The following OSBPL3 variants were observed in gnomAD, a reference collection of about 807,000 sequenced individuals.
The protein encoded by OSBPL3 is oxysterol-binding protein-related protein 3.
Under a neutral mutation model 120.1 loss-of-function variants are expected in OSBPL3, and 65 were observed. The observed-to-expected ratio is 0.54, with a 90% CI of 0.44 to 0.67. The LOEUF (loss-of-function observed/expected upper bound fraction) is 0.67, where lower values mean the gene tolerates loss of function less well. Ranked by LOEUF, OSBPL3 falls within the 30% of genes least tolerant of loss-of-function variation. The pLI, the probability that OSBPL3 is intolerant of heterozygous loss-of-function variation, is 0.00. For synonymous variants in OSBPL3, 416 were observed against 402.6 expected (o/e 1.03, Z -0.40); for missense variants, 1,004 against 1,082.1 (o/e 0.93, Z 1.01).
In OSBPL3 at chr7:24,849,428, G is replaced by A; in HGVS notation, c.1159-252C>T. ...TTTCTCATTCCAGACATGGAGGGAG[G>A]GTTGGTAAGTGCAACAGAGAGGGAA... On this transcript the variant is annotated intron_variant, in intron 11 of 22. Transcript: ENST00000313367. The surrounding 1 kb of genome is among the most constrained non-coding windows in gnomAD (Gnocchi z 5.4). 3.6e-6 allele frequency: 1 copy of A among 279,494 alleles called. No individual in the cohort carries two copies. Among genetic ancestry groups the A allele is most frequent in the African/African-American group, 2.2e-5 (1 of 45,498 alleles). 17.3% of individuals were successfully genotyped at this position (279,494 alleles called of 1,614,324 possible).
At position 24,952,562 on chromosome 7, in the gene OSBPL3, A is replaced by G. The variant is rs1281359904; in HGVS notation, c.-150+27324T>C. Among the ~76,000 whole-genome samples the G allele has an allele frequency of 6.6e-6, 1 of 152,262 alleles. No individual in the cohort carries two copies. Among genetic ancestry groups the G allele is most frequent in the Admixed American group, 6.5e-5 (1 of 15,286 alleles). On this transcript the variant is annotated intron_variant, in intron 1 of 22. Coordinates refer to ENST00000313367, the MANE Select transcript of OSBPL3 (RefSeq NM_015550.4). This position sits in a 1 kb window ranked among gnomAD's most constrained non-coding sequence, Gnocchi z 4.4. ...GCTCTATAAATATGGAAAGATGCTC[A>G]TATGAGCCACCTTTGGAGACTAGGT... is the stretch of plus-strand genomic sequence containing the variant.
rs1812813442 is a variant in OSBPL3 at position 24,939,348 on chromosome 7, G to A, written c.-150+40538C>T. Among the ~76,000 whole-genome samples the A allele has an allele frequency of 6.6e-6, 1 of 152,150 alleles. No homozygotes were observed. Among genetic ancestry groups the A allele is most frequent in the East Asian group, 1.9e-4 (1 of 5,186 alleles). ...TTGTTCAGCTATTAGGAAGCTATGT[G>A]CTTGAGGAGAGCTTGGGCTCCTCCC... On this transcript the variant is annotated intron_variant, in intron 1 of 22. Coordinates refer to ENST00000313367, the MANE Select transcript of OSBPL3 (RefSeq NM_015550.4). This position sits in a 1 kb window ranked among gnomAD's most constrained non-coding sequence, Gnocchi z 4.2.
chr7:24,891,919 A>T lies in OSBPL3; in HGVS notation c.96+458T>A, dbSNP rs1805409392. Reference sequence around the variant, plus strand: ...CTGCCATAAAAGGTTTGATGAAGGGAAGAAAGTTGGGGTGGATATTATAAT... The same window carrying T: ...CTGCCATAAAAGGTTTGATGAAGGGTAGAAAGTTGGGGTGGATATTATAAT... On this transcript the variant is annotated intron_variant, in intron 2 of 22. Transcript: ENST00000313367. The surrounding 1 kb of genome is among the most constrained non-coding windows in gnomAD (Gnocchi z 4.1). Among the ~76,000 whole-genome samples the T allele has an allele frequency of 6.6e-6, 1 of 152,178 alleles. No individual in the cohort carries two copies. The highest frequency in any genetic ancestry group is 2.1e-4 in the South Asian group (1 of 4,834).
rs544561514 is a variant in OSBPL3, at chr7:24,815,660, C to T, written c.2028-457G>A. ...TATTACTTATGGAATTCAATAATTA[C>T]GAGGAAAATGGTATTAATAATAAGA... is the stretch of plus-strand genomic sequence containing the variant. On this transcript the variant is annotated intron_variant, in intron 18 of 22. Coordinates refer to ENST00000313367, the MANE Select transcript of OSBPL3 (RefSeq NM_015550.4). This position sits in a 1 kb window ranked among gnomAD's most constrained non-coding sequence, Gnocchi z 5.1. Among the ~76,000 whole-genome samples, 1 of 152,140 alleles carries T rather than the reference C, an allele frequency of 6.6e-6. No homozygotes were observed. The highest frequency in any genetic ancestry group is 1.5e-5 in the Non-Finnish European group (1 of 68,028).
Position 24,873,302 on chromosome 7 carries a change from C to G in OSBPL3, c.97-1233G>C, listed in dbSNP as rs893182277. Among the ~76,000 whole-genome samples, 1 of 152,198 alleles carries G rather than the reference C, an allele frequency of 6.6e-6. No homozygotes were observed. The highest frequency in any genetic ancestry group is 1.5e-5 in the Non-Finnish European group (1 of 68,048). ...TCTAACAGGGAGGGCACAGAAACCA[C>G]ACAGGGTCCTGAGTGGCTCTGGCTC... On this transcript the variant is annotated intron_variant, in intron 2 of 22. Coordinates refer to ENST00000313367, the MANE Select transcript of OSBPL3 (RefSeq NM_015550.4). This position sits in a 1 kb window ranked among gnomAD's most constrained non-coding sequence, Gnocchi z 4.1.
chr7:24,949,460 A>G (rs1814126504), intron 1 of OSBPL3, among the ~76,000 whole-genome samples: 2 of 152,158 alleles, frequency 1.3e-5, no homozygotes, highest in South Asian at 4.1e-4. Flanking sequence ...ACAGTCTTTG[A>G]TTCAATGAAA....
In OSBPL3 at chr7:24,811,414, C is replaced by G. The variant is rs536662724; in HGVS notation, c.2173-1463G>C. Among the ~76,000 whole-genome samples, 3 of 152,224 alleles carry G rather than the reference C, an allele frequency of 2.0e-5. No individual in the cohort carries two copies. The South Asian group carries it at 6.2e-4, about 31-fold the overall frequency. ...CTCTCTATTCATTTTTTATATTAAC[C>G]TCTTATCGGATGTATAGTTTACAAA... On this transcript the variant is annotated intron_variant, in intron 19 of 22. Transcript: ENST00000313367.
chr7:24,896,883 C>T lies in OSBPL3; in HGVS notation c.-149-4262G>A, dbSNP rs1337473003. On this transcript the variant is annotated intron_variant, in intron 1 of 22. Coordinates refer to ENST00000313367, the MANE Select transcript of OSBPL3 (RefSeq NM_015550.4). This position sits in a 1 kb window ranked among gnomAD's most constrained non-coding sequence, Gnocchi z 4.4. The stretch of plus-strand genomic sequence containing the variant: ...GGTCAGGAGTTCAAGACCAGCCTGG[C>T]CAACATGGTAAAACCCCATCTCTAC... 6.6e-6 allele frequency among the ~76,000 whole-genome samples: 1 copy of T among 152,058 alleles called. No individual in the cohort carries two copies. Among genetic ancestry groups the T allele is most frequent in the African/African-American group, 2.4e-5 (1 of 41,388 alleles).
chr7:24,973,810 T>C (rs898843990), intron 1 of OSBPL3, among the ~76,000 whole-genome samples: 2 of 152,174 alleles, frequency 1.3e-5, no homozygotes, highest in Non-Finnish European at 2.9e-5. Context: ...ATAAAAAATA[T>C]TATACTCCAG....
At position 24,916,324 on chromosome 7, in the gene OSBPL3, T is replaced by C. The variant is rs1809544291; in HGVS notation, c.-149-23703A>G. Among the ~76,000 whole-genome samples, 1 of 152,208 alleles carries C rather than the reference T, an allele frequency of 6.6e-6. No individual in the cohort carries two copies. Among genetic ancestry groups the C allele is most frequent in the South Asian group, 2.1e-4 (1 of 4,832 alleles). On this transcript the variant is annotated intron_variant, in intron 1 of 22. Transcript: ENST00000313367. This position sits in a 1 kb window ranked among gnomAD's most constrained non-coding sequence, Gnocchi z 4.9. ...CATCATTTATCTACCCATCCTTCTG[T>C]TCCTCTCTCACAGTATGTACAGAGG...
chr7:24,869,727 C>T (rs959388827), intron 5 of OSBPL3, among the ~76,000 whole-genome samples: 1 of 152,172 alleles, frequency 6.6e-6, no homozygotes, highest in Non-Finnish European at 1.5e-5. Context: ...TACAGTTAGG[C>T]TAGGAAATAG....
At chr7:24,840,268 T>C (rs1304879160) in intron 14 of OSBPL3, among the ~76,000 whole-genome samples, 1 of 152,070 alleles carries the variant, frequency 6.6e-6, no homozygotes, top group East Asian at 1.9e-4. Flanking sequence ...ACCGCATCAG[T>C]CCACTCGTAT....
chr7:24,848,013 C>T (rs1303794100), intron 12 of OSBPL3, among the ~76,000 whole-genome samples: 5 of 152,232 alleles, frequency 3.3e-5, no homozygotes, highest in African/African-American at 1.2e-4. Context: ...GACCCACAAG[C>T]TTCTGCCAGA....
At chr7:24,973,476 A>C (rs1401775623) in intron 1 of OSBPL3, among the ~76,000 whole-genome samples, 1 of 152,216 alleles carries the variant, frequency 6.6e-6, no homozygotes, top group Non-Finnish European at 1.5e-5. Context: ...TTATAAACCA[A>C]GTCCAGAGAA....
rs1218034658 is a variant in OSBPL3, at chr7:24,932,691, G to A, written c.-149-40070C>T. Among the ~76,000 whole-genome samples the A allele has an allele frequency of 1.3e-5, 2 of 152,150 alleles. No individual in the cohort carries two copies. Among genetic ancestry groups the A allele is most frequent in the East Asian group, 1.9e-4 (1 of 5,200 alleles). On this transcript the variant is annotated intron_variant, in intron 1 of 22. Transcript: ENST00000313367. The surrounding 1 kb of genome is among the most constrained non-coding windows in gnomAD (Gnocchi z 5.6). Reference sequence around the variant, plus strand: ...CCAAATCCAATAGTACTTCGATCTTGCATTTTCCAGCCTCCAGAACTACGA... The same window carrying A: ...CCAAATCCAATAGTACTTCGATCTTACATTTTCCAGCCTCCAGAACTACGA...
rs2128376960 is a variant in OSBPL3 at position 24,900,912 on chromosome 7, TGGGGA to T, written c.-149-8296_-149-8292del. 1.3e-5 allele frequency among the ~76,000 whole-genome samples: 2 copies of T among 151,682 alleles called. No homozygotes were observed. Among genetic ancestry groups the T allele is most frequent in the South Asian group, 4.2e-4 (2 of 4,800 alleles). On this transcript the variant is annotated intron_variant, in intron 1 of 22. Coordinates refer to ENST00000313367, the MANE Select transcript of OSBPL3 (RefSeq NM_015550.4). This position sits in a 1 kb window ranked among gnomAD's most constrained non-coding sequence, Gnocchi z 4.5. ...AGTGCACACCTGTAGTATCAGCTACTGGGGAGGCTGAAGTGGGAGGATGACTTGAG... is the reference window on the plus strand; with the variant it reads ...AGTGCACACCTGTAGTATCAGCTACTGGCTGAAGTGGGAGGATGACTTGAG...
In OSBPL3 at chr7:24,866,290, A is replaced by G. The variant is rs147882193; in HGVS notation, c.382-53T>C. ...AACAAGAGAATCATTCACTGGAAGG[A>G]ACAATTACTCATCAAATTGAGGCCA... On this transcript the variant is annotated intron_variant, in intron 5 of 22. Coordinates refer to ENST00000313367, the MANE Select transcript of OSBPL3 (RefSeq NM_015550.4). 4.8e-4 allele frequency: 626 copies of G among 1,293,914 alleles called. 4 individuals are homozygous for G. The African/African-American group carries it at 7.1e-3, about 15-fold the overall frequency. The allele number at this position is 1,293,914 out of a possible 1,614,324, so 80.2% of individuals were successfully genotyped here.
At chr7:24,814,307 T>G (rs1192818670) in intron 19 of OSBPL3, among the ~76,000 whole-genome samples, 1 of 152,004 alleles carries the variant, frequency 6.6e-6, no homozygotes, top group Non-Finnish European at 1.5e-5. Flanking sequence ...TGGGTGTATC[T>G]GCAAGTGTGC....
chr7:24,915,385 T>C (rs1249963506), intron 1 of OSBPL3, among the ~76,000 whole-genome samples: 1 of 152,176 alleles, frequency 6.6e-6, no homozygotes, highest in African/African-American at 2.4e-5. Flanking sequence ...TTTTCATAAA[T>C]TGCTAGTAGA....
Sources: gnomAD v4.1 joint callset for allele counts (sites outside exome capture counted in the v4.1 genomes callset) on GRCh38, gnomAD v4.1.1 for gene constraint, Gnocchi (gnomAD v3.1) non-coding constraint, MANE v1.5 for transcripts, NCBI Gene and HGNC (gene_info 2026-07-23, HGNC 2026-07-21) for gene names.